Variants in FAT2 observed in about 807,000 individuals in gnomAD.
FAT2 encodes protocadherin Fat 2.
Under a neutral mutation model 295.3 loss-of-function variants are expected in FAT2, and 150 were observed. The ratio of observed to expected loss-of-function variants is 0.51; its 90% CI spans 0.44 to 0.58. The LOEUF (loss-of-function observed/expected upper bound fraction) is 0.58, where lower values mean the gene tolerates loss of function less well. Among genes scored for constraint, FAT2 ranks in the 20% least tolerant of loss-of-function variants. The probability of loss-of-function intolerance (pLI) is 0.00; values close to 1 mark genes in which losing one functional copy is unlikely to be tolerated. For synonymous variants in FAT2, 2,026 were observed against 2,150.3 expected (o/e 0.94, Z 1.60); for missense variants, 4,868 against 5,442.7 (o/e 0.89, Z 3.32).
At chr5:151,576,386 A>G (rs1010659329) in intron 1 of FAT2, among the ~76,000 whole-genome samples, 5 of 152,236 alleles carry the variant, frequency 3.3e-5, no homozygotes, top group Admixed American at 6.5e-5. Context: ...CCAGGAGAAC[A>G]TTTAAAAACA....
At chr5:151,532,627 T>C (rs1360759479) in intron 13 of FAT2, among the ~76,000 whole-genome samples, 1 of 152,152 alleles carries the variant, frequency 6.6e-6, no homozygotes, top group Non-Finnish European at 1.5e-5. Flanking sequence ...TACGTCAACA[T>C]AAAAAGTTAA....
At chr5:151,592,213 A>G (rs551970026), upstream of FAT2, among the ~76,000 whole-genome samples, 3 of 152,322 alleles carry the variant, frequency 2.0e-5, no homozygotes, top group South Asian at 4.1e-4. Flanking sequence ...AGGGAAAGGG[A>G]GAAGAGTTAG....
rs1450000389 is a variant in FAT2 at position 151,543,750 on chromosome 5, T to TC, written c.7376dup (p.Val2460SerfsTer28). On this transcript the variant is annotated frameshift_variant, in exon 10 of 24. Transcript: ENST00000261800. LOFTEE classifies it high-confidence loss of function. ...ACACAGGCACAGTTGCTCGGAAGAC[T>TC]CCATCAGAAGCACCTACCCTCAAAT... 6.2e-7 allele frequency: 1 copy of TC among 1,614,184 alleles called. No homozygotes were observed. Among genetic ancestry groups the TC allele is most frequent in the South Asian group, 1.1e-5 (1 of 91,084 alleles).
At chr5:151,535,158 A>G (rs927666317) in intron 12 of FAT2, among the ~76,000 whole-genome samples, 2 of 151,718 alleles carry the variant, frequency 1.3e-5, no homozygotes, top group Non-Finnish European at 2.9e-5. Context: ...GTAAAACACC[A>G]TGTGTGGTGT....
chr5:151,545,540 TG>T lies in FAT2; in HGVS notation c.5586del (p.Arg1863GlufsTer3). 6.2e-7 allele frequency: 1 copy of T among 1,614,128 alleles called. No individual in the cohort carries two copies. The highest frequency in any genetic ancestry group is 8.5e-7 in the Non-Finnish European group (1 of 1,179,972). ...APRPAQVIIH[V>X]RDVNDSPPRF... Reference sequence around the variant, plus strand: ...CTGGGAGGGGAATCATTCACATCTCTGACATGAATGATGACTTGGGCAGGTC... The same window carrying T: ...CTGGGAGGGGAATCATTCACATCTCTACATGAATGATGACTTGGGCAGGTC... On this transcript the variant is annotated frameshift_variant, in exon 10 of 24. Coordinates refer to ENST00000261800, the MANE Select transcript of FAT2 (RefSeq NM_001447.3). LOFTEE classifies it high-confidence loss of function.
At chr5:151,592,621 G>A (rs74804844), upstream of FAT2, among the ~76,000 whole-genome samples, 3 of 152,290 alleles carry the variant, frequency 2.0e-5, no homozygotes, top group East Asian at 1.9e-4. Flanking sequence ...TATTCATACC[G>A]TTGTTAATGC....
chr5:151,584,973 T>C (rs1759115103), intron 1 of FAT2, among the ~76,000 whole-genome samples: 1 of 152,212 alleles, frequency 6.6e-6, no homozygotes, highest in African/African-American at 2.4e-5. Flanking sequence ...AATTTGTATT[T>C]TTTAAAAAAC....
At position 151,543,641 on chromosome 5, in the gene FAT2, C is replaced by A. The variant is rs1756363043; in HGVS notation, c.7486G>T (p.Val2496Phe). The A allele has an allele frequency of 6.2e-7, 1 of 1,614,086 alleles. No individual in the cohort carries two copies. Among genetic ancestry groups the A allele is most frequent in the Non-Finnish European group, 8.5e-7 (1 of 1,180,048 alleles). Residue 2496 changes from valine to phenylalanine, a missense_variant, in exon 10 of 24, where the codon GTT (valine) becomes TTT (phenylalanine). Transcript: ENST00000261800. ...YEAELAENAMVGTKVIDLLAI... is the reference protein window; with the variant it reads ...YEAELAENAMFGTKVIDLLAI... ...AGCAAATCAATCACCTTGGTTCCAA[C>A]CATTGCATTCTCTGCTAATTCTGCC...
upstream of FAT2, among the ~76,000 whole-genome samples, chr5:151,591,898 G>A (rs1348507926): frequency 6.6e-6 from 1 of 152,196 alleles, no homozygotes; most frequent in Middle Eastern, 3.2e-3. Flanking sequence ...TCAGGACTTA[G>A]CTGAGAAAGT....
intron 17 of FAT2, 63 bp from the exon 18 acceptor site, chr5:151,526,028 G>T: frequency 6.6e-7 from 1 of 1,507,938 alleles, no homozygotes; most frequent in South Asian, 1.2e-5. Context: ...CCTTTCGCAC[G>T]TGTCTGGGTA....
intron 23 of FAT2, 98 bp downstream of exon 23, chr5:151,507,056 T>C (rs188790055): frequency 6.5e-6 from 7 of 1,072,364 alleles, no homozygotes; most frequent in Non-Finnish European, 9.5e-6. Context: ...GTTGGATGCG[T>C]GGTAGCTAAA....
At chr5:151,520,411 A>C (rs966046685) in intron 19 of FAT2, among the ~76,000 whole-genome samples, 9 of 152,192 alleles carry the variant, frequency 5.9e-5, no homozygotes, top group African/African-American at 2.2e-4. Flanking sequence ...AGGCAAACTA[A>C]ATCTCATATC....
At chr5:151,565,385 C>T (rs1035929159) in intron 2 of FAT2, among the ~76,000 whole-genome samples, 2 of 151,466 alleles carry the variant, frequency 1.3e-5, no homozygotes, top group Non-Finnish European at 2.9e-5. Flanking sequence ...GGGGAGCATT[C>T]GTTTTTAAAT....
chr5:151,538,905 C>G (rs1463939966), intron 11 of FAT2, among the ~76,000 whole-genome samples: 1 of 151,450 alleles, frequency 6.6e-6, no homozygotes, highest in Non-Finnish European at 1.5e-5. Flanking sequence ...AGGCTGGTCT[C>G]GAACCCCTGA....
chr5:151,523,148 A>T (rs1006084983), intron 18 of FAT2, among the ~76,000 whole-genome samples: 3 of 152,182 alleles, frequency 2.0e-5, no homozygotes, highest in Non-Finnish European at 2.9e-5. Flanking sequence ...AAGAAAGTTG[A>T]TAAGATTACA....
chr5:151,507,183 A>G lies in FAT2; in HGVS notation c.12488T>C (p.Ile4163Thr), dbSNP rs1760954663. ...CTCCTCGCTGGACCAGGTTCTCTTA[A>G]TGACAGGCTCATTGTCAGAGTGGGA... ...VPSHSDNEPVIKRTWSSEEMV... is the reference protein window; with the variant it reads ...VPSHSDNEPVTKRTWSSEEMV... The change falls in exon 23 of 24, where the codon ATT (isoleucine) becomes ACT (threonine). Residue 4163 changes from isoleucine (I) to threonine (T), a missense_variant. Physicochemically the swap from Ile to Thr is moderately conservative, Grantham distance 89. This residue lies in a region of FAT2 where 492 missense variants were observed against 482.6 expected (regional missense o/e 1.02). Transcript: ENST00000261800. 1 of 1,600,794 alleles carries G rather than the reference A, an allele frequency of 6.2e-7. No homozygotes were observed. The highest frequency in any genetic ancestry group is 8.5e-7 in the Non-Finnish European group (1 of 1,172,566).
chr5:151,510,263 C>T (rs1761217622), intron 21 of FAT2, 89 bp from the exon 22 acceptor site: 60 of 1,404,112 alleles, frequency 4.3e-5, no homozygotes, highest in South Asian at 3.1e-4. Flanking sequence ...TTTGTGCAGC[C>T]GTTCAGTTAC....
At chr5:151,552,018 G>C (rs1757267397) in intron 6 of FAT2, among the ~76,000 whole-genome samples, 1 of 135,502 alleles carries the variant, frequency 7.4e-6, no homozygotes, top group Non-Finnish European at 1.6e-5. Context: ...TGTGTGTAAA[G>C]GAAAAATGAC....
At chr5:151,518,396 T>C (rs1753104777) in intron 19 of FAT2, among the ~76,000 whole-genome samples, 1 of 107,464 alleles carries the variant, frequency 9.3e-6, no homozygotes, top group Admixed American at 1.0e-4. Flanking sequence ...AAAGTAAAAA[T>C]CAGGCCAGAA....
Sources: allele counts gnomAD v4.1 joint callset (sites outside exome capture counted in the v4.1 genomes callset), GRCh38; gene constraint gnomAD v4.1.1; regional missense constraint gnomAD v4.1.1; transcripts MANE v1.5; gene names NCBI Gene and HGNC (gene_info 2026-07-23, HGNC 2026-07-21).